The following TRAPPC9 variants were observed in gnomAD, a reference collection of about 807,000 sequenced individuals.
TRAPPC9 encodes trafficking protein particle complex subunit 9, also known as IKK2 binding protein.
Under a neutral mutation model 124.0 loss-of-function variants are expected in TRAPPC9, and 83 were observed. That is an observed-to-expected ratio of 0.67 (90% CI 0.56 to 0.80). The LOEUF (loss-of-function observed/expected upper bound fraction) is 0.80, where lower values mean the gene tolerates loss of function less well. Among genes scored for constraint, TRAPPC9 ranks in the 30% least tolerant of loss-of-function variants. TRAPPC9 has a pLI of 0.00. For missense variants in TRAPPC9, 1,302 were observed against 1,508.3 expected (o/e 0.86, Z 2.27); for synonymous variants, 638 against 617.5 (o/e 1.03, Z -0.49).
intron 4 of TRAPPC9, among the ~76,000 whole-genome samples, chr8:140,430,242 T>A (rs185950958): frequency 7.6e-4 from 115 of 152,208 alleles, no homozygotes; most frequent in Non-Finnish European, 1.5e-3. Flanking sequence ...TAGCAAAGGA[T>A]ATCCTTATTT....
At chr8:140,089,953 G>A (rs1161294523) in intron 17 of TRAPPC9, among the ~76,000 whole-genome samples, 2 of 152,084 alleles carry the variant, frequency 1.3e-5, no homozygotes, top group African/African-American at 4.8e-5. Flanking sequence ...GGCGGTGCAC[G>A]CCTGTAGTCC....
At chr8:139,804,337 ACC>A (rs1823829328) in intron 21 of TRAPPC9, among the ~76,000 whole-genome samples, 2 of 92,802 alleles carry the variant, frequency 2.2e-5, no homozygotes, top group African/African-American at 8.7e-5. Context: ...ACCAAGCACC[ACC>A]ACCACCGCCA....
At chr8:140,423,797 A>C (rs558149466) in intron 5 of TRAPPC9, among the ~76,000 whole-genome samples, 1 of 152,230 alleles carries the variant, frequency 6.6e-6, no homozygotes, top group East Asian at 1.9e-4. Context: ...CAAGAAGAAA[A>C]AGAAATGCAT....
chr8:139,773,748 C>A (rs1402376307), intron 21 of TRAPPC9, among the ~76,000 whole-genome samples: 1 of 152,224 alleles, frequency 6.6e-6, no homozygotes, highest in African/African-American at 2.4e-5. Flanking sequence ...GTGTGCGGAA[C>A]CTTTGCCTGA....
At chr8:140,180,398 G>T (rs1465670233) in intron 17 of TRAPPC9, among the ~76,000 whole-genome samples, 1 of 151,742 alleles carries the variant, frequency 6.6e-6, no homozygotes, top group Admixed American at 6.6e-5. Flanking sequence ...ATGTTTTAAA[G>T]ACATAATAGT....
chr8:140,349,649 T>C (rs1301648212), intron 9 of TRAPPC9, among the ~76,000 whole-genome samples: 1 of 151,924 alleles, frequency 6.6e-6, no homozygotes, highest in Non-Finnish European at 1.5e-5. Context: ...GAACACGGAG[T>C]GGGCAGGAGG....
At chr8:139,786,512 A>T (rs1434220705) in intron 21 of TRAPPC9, among the ~76,000 whole-genome samples, 1 of 152,184 alleles carries the variant, frequency 6.6e-6, no homozygotes, top group Non-Finnish European at 1.5e-5. Context: ...CTTCTTAAAA[A>T]AAAAAAAATA....
intron 4 of TRAPPC9, among the ~76,000 whole-genome samples, chr8:140,426,917 C>T (rs1372625993): frequency 6.6e-6 from 1 of 151,610 alleles, no homozygotes; most frequent in Non-Finnish European, 1.5e-5. Flanking sequence ...GTTCATGCTC[C>T]CAGTTCTTTT....
At chr8:139,826,593 T>C (rs926839173) in intron 21 of TRAPPC9, among the ~76,000 whole-genome samples, 12 of 152,160 alleles carry the variant, frequency 7.9e-5, no homozygotes, top group African/African-American at 2.9e-4. Flanking sequence ...AGCGGAGACC[T>C]TGCCAGGCCA....
In TRAPPC9 at chr8:139,825,108, G is replaced by A. The variant is rs1012024947; in HGVS notation, c.3055+60771C>T. On this transcript the variant is annotated intron_variant, in intron 21 of 22. Coordinates refer to ENST00000438773, the MANE Select transcript of TRAPPC9 (RefSeq NM_001160372.4). This position sits in a 1 kb window ranked among gnomAD's most constrained non-coding sequence, Gnocchi z 4.6. ...GGAGTGGGGGTCACAGATGACCCGG[G>A]CCCTGGACGTGGGACGTGGGCTGCG... Among the ~76,000 whole-genome samples, 1 of 152,154 alleles carries A rather than the reference G, an allele frequency of 6.6e-6. No individual in the cohort carries two copies. Among genetic ancestry groups the A allele is most frequent in the African/African-American group, 2.4e-5 (1 of 41,438 alleles).
chr8:139,822,627 G>T (rs10107436), intron 21 of TRAPPC9, among the ~76,000 whole-genome samples: 50,715 of 152,022 alleles, frequency 0.33, 9,809 homozygotes, highest in East Asian at 0.56. Context: ...AGGATGGCGG[G>T]GGGGGGCTGC....
intron 12 of TRAPPC9, among the ~76,000 whole-genome samples, chr8:140,288,411 A>C (rs944721567): frequency 1.3e-5 from 2 of 152,212 alleles, no homozygotes; most frequent in Non-Finnish European, 2.9e-5. Context: ...TTATCAACTT[A>C]TTTCGGTATG....
intron 11 of TRAPPC9, among the ~76,000 whole-genome samples, chr8:140,298,805 T>C (rs2065884957): frequency 6.6e-6 from 1 of 152,236 alleles, no homozygotes; most frequent in Admixed American, 6.5e-5. Context: ...CGTGAATCAG[T>C]TTCCCCGTCA....
chr8:140,057,437 C>T (rs1273122189), intron 17 of TRAPPC9, among the ~76,000 whole-genome samples: 3 of 152,204 alleles, frequency 2.0e-5, no homozygotes, highest in Non-Finnish European at 4.4e-5. Flanking sequence ...GAAACAACCT[C>T]AGTGTTCACG....
intron 19 of TRAPPC9, among the ~76,000 whole-genome samples, chr8:139,921,667 AG>A (rs1832510411): frequency 6.7e-6 from 1 of 148,584 alleles, no homozygotes; most frequent in African/African-American, 2.5e-5. Context: ...ACTTGCAAAG[AG>A]CCAGGTGGAC....
intron 17 of TRAPPC9, among the ~76,000 whole-genome samples, chr8:140,145,235 C>A (rs2061443719): frequency 6.6e-6 from 1 of 152,018 alleles, no homozygotes; most frequent in Non-Finnish European, 1.5e-5. Context: ...TACTGACAAT[C>A]CTCTCATCTA....
At chr8:140,205,625 C>T (rs1232088767) in intron 17 of TRAPPC9, among the ~76,000 whole-genome samples, 1 of 152,158 alleles carries the variant, frequency 6.6e-6, no homozygotes, top group Non-Finnish European at 1.5e-5. Flanking sequence ...GAGAACAACT[C>T]AAATGGATTA....
chr8:140,014,825 T>G (rs1276295143), intron 18 of TRAPPC9, among the ~76,000 whole-genome samples: 1 of 152,128 alleles, frequency 6.6e-6, no homozygotes, highest in Non-Finnish European at 1.5e-5. Context: ...AATGCCAATG[T>G]CAGAGGGTTC....
At chr8:139,996,158 C>CAAAAAAAAAAAAAAAAAA in intron 18 of TRAPPC9, among the ~76,000 whole-genome samples, 12 of 19,410 alleles carry the variant, frequency 6.2e-4, no homozygotes, top group South Asian at 3.6e-3. Context: ...AAAACTTAAG[C>CAAAAAAAAAAAAAAAAAA]AAAAAAAAAA....
Sources: gnomAD v4.1 joint callset for allele counts (sites outside exome capture counted in the v4.1 genomes callset) on GRCh38, gnomAD v4.1.1 for gene constraint, Gnocchi (gnomAD v3.1) non-coding constraint, MANE v1.5 for transcripts, NCBI Gene and HGNC (gene_info 2026-07-23, HGNC 2026-07-21) for gene names.